TFDP2: variants seen among roughly 807,000 people sequenced by gnomAD.
TFDP2 encodes the protein transcription factor Dp-2.
Under a neutral mutation model 59.3 loss-of-function variants are expected in TFDP2, and 17 were observed. The observed-to-expected ratio is 0.29, with a 90% confidence interval of 0.20 to 0.43. TFDP2 has a LOEUF of 0.43. Among genes scored for constraint, TFDP2 ranks in the 20% least tolerant of loss-of-function variants. The probability of loss-of-function intolerance (pLI) is 1.00; values close to 1 mark genes in which losing one functional copy is unlikely to be tolerated. For missense variants in TFDP2, 391 were observed against 528.8 expected, an observed-to-expected ratio of 0.74 and a Z score of 2.56; for synonymous variants, 180 against 194.7, an observed-to-expected ratio of 0.92 and a Z score of 0.63.
intron 9 of TFDP2, among the ~76,000 whole-genome samples, chr3:141,966,185 T>G (rs1938032642): frequency 6.6e-6 from 1 of 151,922 alleles, no homozygotes; most frequent in South Asian, 2.1e-4. Flanking sequence ...TTATTATTAT[T>G]TTTTTGAGAC....
intron 3 of TFDP2, among the ~76,000 whole-genome samples, chr3:142,032,770 T>C (rs1946496022): frequency 6.6e-6 from 1 of 152,216 alleles, no homozygotes; most frequent in Admixed American, 6.5e-5. Context: ...TCCATTTTTT[T>C]TCTAACATAT....
chr3:142,143,321 A>C (rs145351586), intron 1 of TFDP2, among the ~76,000 whole-genome samples: 1,578 of 152,276 alleles, frequency 0.01, 11 homozygotes, highest in Non-Finnish European at 0.016. Context: ...ATTGGGGAAA[A>C]TCTCCAGGAC....
At chr3:142,139,570 A>C (rs2062861229) in intron 1 of TFDP2, among the ~76,000 whole-genome samples, 1 of 152,128 alleles carries the variant, frequency 6.6e-6, no homozygotes, top group Non-Finnish European at 1.5e-5. Flanking sequence ...TGGTGGTGAA[A>C]AAATCTCTCA....
At chr3:142,028,571 T>C (rs2108397130) in intron 3 of TFDP2, 1 of 985,330 alleles carries the variant, frequency 1.0e-6, no homozygotes, top group East Asian at 1.1e-4. Flanking sequence ...CAAACTGATC[T>C]CTCTTACCTG....
intron 8 of TFDP2, among the ~76,000 whole-genome samples, chr3:141,973,123 A>ATATATATATATATATATATATTTT: frequency 1.7e-5 from 1 of 58,020 alleles, no homozygotes; most frequent in South Asian, 4.7e-4. Flanking sequence ...ATATATATAT[A>ATATATATATATATATATATATTTT]TTTTTTTTTT....
chr3:142,066,587 T>C (rs140473657), intron 3 of TFDP2, among the ~76,000 whole-genome samples: 153 of 152,342 alleles, frequency 1.0e-3, no homozygotes, highest in African/African-American at 3.6e-3. Context: ...GTATGGTTTC[T>C]ACTGAATGTG....
At chr3:142,084,091 G>C (rs971537493) in intron 3 of TFDP2, among the ~76,000 whole-genome samples, 18 of 152,048 alleles carry the variant, frequency 1.2e-4, no homozygotes, top group African/African-American at 4.1e-4. Context: ...GAAAACATCC[G>C]CAAACTACCC....
intron 11 of TFDP2, among the ~76,000 whole-genome samples, chr3:141,953,959 T>A (rs1936242158): frequency 6.6e-6 from 1 of 151,114 alleles, no homozygotes; most frequent in African/African-American, 2.4e-5. Context: ...TCACCTGAAG[T>A]TGGGAGTTCT....
At chr3:141,975,903 CAG>C (rs1940569863) in intron 7 of TFDP2, among the ~76,000 whole-genome samples, 1 of 152,002 alleles carries the variant, frequency 6.6e-6, no homozygotes, top group African/African-American at 2.4e-5. Flanking sequence ...TTTTCCGAGA[CAG>C]AGTCTTGCTC....
At chr3:142,093,591 T>C (rs2061069234) in intron 2 of TFDP2, among the ~76,000 whole-genome samples, 2 of 152,218 alleles carry the variant, frequency 1.3e-5, no homozygotes, top group Admixed American at 1.3e-4. Context: ...GTGGCAGCCA[T>C]GAAGTTGCCA....
At chr3:142,085,373 C>T (rs2060778690) in intron 3 of TFDP2, among the ~76,000 whole-genome samples, 1 of 146,298 alleles carries the variant, frequency 6.8e-6, no homozygotes, top group African/African-American at 2.8e-5. Context: ...TCAAGTACTC[C>T]ATAAATATAT....
chr3:142,027,141 T>C (rs1477714880), intron 3 of TFDP2, among the ~76,000 whole-genome samples: 1 of 152,178 alleles, frequency 6.6e-6, no homozygotes, highest in Non-Finnish European at 1.5e-5. Flanking sequence ...GATTTAATTA[T>C]CAATTTTTTC....
chr3:142,118,159 A>G (rs2108687483), intron 1 of TFDP2, among the ~76,000 whole-genome samples: 1 of 152,178 alleles, frequency 6.6e-6, no homozygotes, highest in Admixed American at 6.5e-5. Flanking sequence ...CAAAATATTA[A>G]TAGAATCAAG....
At chr3:142,079,613 A>C (rs181210945) in intron 3 of TFDP2, among the ~76,000 whole-genome samples, 1 of 152,300 alleles carries the variant, frequency 6.6e-6, no homozygotes, top group African/African-American at 2.4e-5. Flanking sequence ...CCTGAAGGTC[A>C]AAGATAAAGA....
At position 141,944,716 on chromosome 3, in the gene TFDP2, A is replaced by T. The variant is rs1030121240; in HGVS notation, c.*7797T>A. On this transcript the variant is annotated 3_prime_UTR_variant, in exon 13 of 13. Transcript: ENST00000489671. ...TCAACTCCACGGCAGGCAGGCCTGG[A>T]ACCACCCTTAGTGGAACACTGCTTA... is the stretch of plus-strand genomic sequence containing the variant. 2.0e-5 allele frequency: 3 copies of T among 152,218 alleles called. No homozygotes were observed. Among genetic ancestry groups the T allele is most frequent in the African/African-American group, 7.2e-5 (3 of 41,450 alleles). 9.4% of individuals were successfully genotyped at this position (152,218 alleles called of 1,614,324 possible).
At chr3:142,005,575 T>C (rs1426951738) in intron 3 of TFDP2, 31 bp from the exon 4 acceptor site, 2 of 1,515,550 alleles carry the variant, frequency 1.3e-6, no homozygotes, top group Admixed American at 3.9e-5. Flanking sequence ...TAAGTTAGTA[T>C]TCTGCCATAC....
In TFDP2 at chr3:142,104,358, A is replaced by G. The variant is rs147427246; in HGVS notation, c.-92-2517T>C. Among the ~76,000 whole-genome samples the G allele has an allele frequency of 3.4e-3, 511 of 152,310 alleles. 2 individuals carry two copies. Among genetic ancestry groups the G allele is most frequent in the African/African-American group, 0.012 (481 of 41,582 alleles). On this transcript the variant is annotated intron_variant, in intron 1 of 12. Coordinates refer to ENST00000489671, the MANE Select transcript of TFDP2 (RefSeq NM_001178139.2). ...ATAATTTAAAGTTAAAATGTTAAGT[A>G]TTGCATTTTGAAGATTAATATTTCA...
intron 10 of TFDP2, among the ~76,000 whole-genome samples, chr3:141,960,795 G>C (rs915810153): frequency 1.3e-5 from 2 of 152,118 alleles, no homozygotes; most frequent in Non-Finnish European, 2.9e-5. Context: ...ATGATTTCAG[G>C]CATCTGTTAA....
At chr3:142,145,799 T>G (rs1291400901) in intron 1 of TFDP2, among the ~76,000 whole-genome samples, 1 of 152,116 alleles carries the variant, frequency 6.6e-6, no homozygotes, top group Admixed American at 6.6e-5. Flanking sequence ...GAATATAGTA[T>G]AGTTTCACTA....
Sources: gnomAD v4.1 joint callset for allele counts (sites outside exome capture counted in the v4.1 genomes callset) on GRCh38, gnomAD v4.1.1 for gene constraint, MANE v1.5 for transcripts, NCBI Gene and HGNC (gene_info 2026-07-23, HGNC 2026-07-21) for gene names.